Variants in ACAP2 observed in about 807,000 individuals in gnomAD.
ACAP2 encodes ArfGAP with coiled-coil, ankyrin repeat and PH domains 2, also known as arf-GAP with coiled-coil, ANK repeat and PH domain-containing protein 2.
In ACAP2, 39 loss-of-function variants were observed where a neutral mutation model predicts 115.8. The ratio of observed to expected loss-of-function variants is 0.34; its 90% CI spans 0.26 to 0.44. The LOEUF (loss-of-function observed/expected upper bound fraction) is 0.44, where lower values mean the gene tolerates loss of function less well. Ranked by LOEUF, ACAP2 falls within the 20% of genes least tolerant of loss-of-function variation. The probability of loss-of-function intolerance (pLI) is 1.00; values close to 1 mark genes in which losing one functional copy is unlikely to be tolerated. For missense variants in ACAP2, 662 were observed against 927.6 expected, an observed-to-expected ratio of 0.71 and a Z score of 3.72; for synonymous variants, 289 against 315.8, an observed-to-expected ratio of 0.92 and a Z score of 0.90.
rs929094816 is a variant in ACAP2 at position 195,277,961 on chromosome 3, G to C, written c.*1367C>G. On this transcript the variant is annotated 3_prime_UTR_variant, in exon 23 of 23. Coordinates refer to ENST00000326793, the MANE Select transcript of ACAP2 (RefSeq NM_012287.6). ...CTCGGAATGGTGGCGGGTGCCTGTAGTCCCAGCTACTCGGGAGGCTGAGGC... is the reference window on the plus strand; with the variant it reads ...CTCGGAATGGTGGCGGGTGCCTGTACTCCCAGCTACTCGGGAGGCTGAGGC... 3 of 152,018 alleles carry C rather than the reference G, an allele frequency of 2.0e-5. No individual in the cohort carries two copies. Among genetic ancestry groups the C allele is most frequent in the African/African-American group, 4.8e-5 (2 of 41,458 alleles). 9.4% of individuals were successfully genotyped at this position (152,018 alleles called of 1,614,324 possible). A position where few individuals can be genotyped will look rare whatever the true frequency, so the allele number is the denominator to read the frequency against.
At position 195,295,755 on chromosome 3, in the gene ACAP2, G is replaced by C; in HGVS notation, c.1625C>G (p.Ser542Cys). The C allele has an allele frequency of 1.9e-6, 3 of 1,614,128 alleles. No homozygotes were observed. The highest frequency in any genetic ancestry group is 2.5e-6 in the Non-Finnish European group (3 of 1,180,006). Residue 542 changes from serine to cysteine, a missense_variant, in exon 17 of 23, where the codon TCT becomes TGT. Coordinates refer to ENST00000326793, the MANE Select transcript of ACAP2 (RefSeq NM_012287.6). ...GACTTGGTCCCCTGGCCCAAATTTAGAAATGCTCAGCCTCTTTTCTTCAGA... is the reference window on the plus strand; with the variant it reads ...GACTTGGTCCCCTGGCCCAAATTTACAAATGCTCAGCCTCTTTTCTTCAGA... Reference protein sequence around the residue: ...KSSEEKRLSISKFGPGDQVRA... With the variant: ...KSSEEKRLSICKFGPGDQVRA...
At chr3:195,402,476 C>T (rs959577475) in intron 1 of ACAP2, among the ~76,000 whole-genome samples, 3 of 152,058 alleles carry the variant, frequency 2.0e-5, no homozygotes, top group Non-Finnish European at 2.9e-5. Context: ...GGAAAAAGTC[C>T]TCTTTTGGCA....
chr3:195,425,320 T>C (rs577472754), intron 1 of ACAP2, among the ~76,000 whole-genome samples: 54 of 152,330 alleles, frequency 3.5e-4, no homozygotes, highest in African/African-American at 1.3e-3. Flanking sequence ...CCAGGTGTCA[T>C]ATATTACTTA....
At chr3:195,421,704 T>C (rs1201533045) in intron 1 of ACAP2, among the ~76,000 whole-genome samples, 1 of 152,248 alleles carries the variant, frequency 6.6e-6, no homozygotes, top group Non-Finnish European at 1.5e-5. Flanking sequence ...TTGTAATTTG[T>C]ACGGAAGTTT....
At chr3:195,374,858 T>C (rs1320568523) in intron 4 of ACAP2, among the ~76,000 whole-genome samples, 1 of 151,998 alleles carries the variant, frequency 6.6e-6, no homozygotes, top group Non-Finnish European at 1.5e-5. Flanking sequence ...CCTTTTTTTT[T>C]TTAAAGTTAA....
chr3:195,392,235 T>G (rs761141611), intron 1 of ACAP2, 88 bp from the exon 2 acceptor site: 50 of 1,033,928 alleles, frequency 4.8e-5, no homozygotes, highest in Non-Finnish European at 6.2e-5. Context: ...AAAAGATAGA[T>G]ATGAATGCTT....
rs1560253995 is a variant in ACAP2 at position 195,333,115 on chromosome 3, TGAC to T, written c.579_581del (p.Ser194del). 6.3e-7 allele frequency: 1 copy of T among 1,596,954 alleles called. No individual in the cohort carries two copies. On this transcript the variant is annotated inframe_deletion, in exon 8 of 23. Transcript: ENST00000326793. ...AGAAGGCCAAATGGGCATACATAAA[TGAC>T]AACATCTAATAGGGAAAAAAAGATG...
chr3:195,364,723 C>A (rs1015150029), intron 4 of ACAP2, among the ~76,000 whole-genome samples: 1 of 152,094 alleles, frequency 6.6e-6, no homozygotes, highest in African/African-American at 2.4e-5. Flanking sequence ...TTTGGAGATT[C>A]CTGAGAAAAC....
rs1389959158 is a variant in ACAP2 at position 195,353,775 on chromosome 3, AC to A, written c.286-8459del. 1.1e-4 allele frequency among the ~76,000 whole-genome samples: 16 copies of A among 152,072 alleles called. 1 individual carries two copies. Among genetic ancestry groups the A allele is most frequent in the Non-Finnish European group, 1.3e-4 (9 of 68,018 alleles). ...ATTCCTTAATAAAGTTGTTAAAAAA[AC>A]ATCATTATATTCCAAAGAGAAAAGC... On this transcript the variant is annotated intron_variant, in intron 4 of 22. Coordinates refer to ENST00000326793, the MANE Select transcript of ACAP2 (RefSeq NM_012287.6).
intron 10 of ACAP2, among the ~76,000 whole-genome samples, chr3:195,318,185 A>G (rs931298421): frequency 1.3e-5 from 2 of 152,186 alleles, no homozygotes; most frequent in Admixed American, 1.3e-4. Context: ...TAGAACTGTG[A>G]GTCAATTAAA....
chr3:195,297,749 TACA>T (rs1362274663), intron 15 of ACAP2, among the ~76,000 whole-genome samples: 2 of 152,246 alleles, frequency 1.3e-5, no homozygotes, highest in African/African-American at 4.8e-5. Context: ...CTATCAAATT[TACA>T]ACTTTCTGGT....
intron 4 of ACAP2, among the ~76,000 whole-genome samples, chr3:195,377,830 T>C (rs1733656352): frequency 6.6e-6 from 1 of 152,112 alleles, no homozygotes; most frequent in African/African-American, 2.4e-5. Flanking sequence ...GGGAACAAAA[T>C]ACACACTGGA....
At chr3:195,291,619 A>G (rs779055199) in intron 20 of ACAP2, 87 bp downstream of exon 20, 22 of 1,043,828 alleles carry the variant, frequency 2.1e-5, no homozygotes, top group Non-Finnish European at 3.0e-5. Context: ...ACACTACCTG[A>G]AAACTTTAAC....
chr3:195,415,216 GAATAT>G (rs1479307278), intron 1 of ACAP2, among the ~76,000 whole-genome samples: 2 of 151,694 alleles, frequency 1.3e-5, no homozygotes, highest in South Asian at 2.1e-4. Context: ...TCAGAGCAGA[GAATAT>G]AATAATTCTC....
At chr3:195,382,335 C>T (rs780393892) in intron 2 of ACAP2, among the ~76,000 whole-genome samples, 2 of 151,758 alleles carry the variant, frequency 1.3e-5, no homozygotes, top group Admixed American at 6.6e-5. Context: ...AGTCTATCAA[C>T]GCAGATAGCT....
intron 4 of ACAP2, among the ~76,000 whole-genome samples, chr3:195,347,175 T>C (rs1008054934): frequency 3.3e-5 from 5 of 152,172 alleles, no homozygotes; most frequent in African/African-American, 9.7e-5. Flanking sequence ...AAACAATAGA[T>C]TTTTAAATGA....
At chr3:195,341,731 T>A (rs376631251) in intron 6 of ACAP2, among the ~76,000 whole-genome samples, 1 of 152,184 alleles carries the variant, frequency 6.6e-6, no homozygotes, top group South Asian at 2.1e-4. Context: ...TCTAAGAATC[T>A]AATCTAAAGA....
At chr3:195,333,964 A>G (rs1046317040) in intron 7 of ACAP2, among the ~76,000 whole-genome samples, 1 of 152,200 alleles carries the variant, frequency 6.6e-6, no homozygotes, top group African/African-American at 2.4e-5. Context: ...CATTCATTCC[A>G]CAAATCTAAA....
intron 13 of ACAP2, 83 bp from the exon 14 acceptor site, chr3:195,302,257 C>T: frequency 2.4e-6 from 3 of 1,259,138 alleles, no homozygotes; most frequent in Non-Finnish European, 3.3e-6. Context: ...CAAACTAAAG[C>T]TTCCAATCAA....
Sources: gnomAD v4.1 joint callset for allele counts (sites outside exome capture counted in the v4.1 genomes callset) on GRCh38, gnomAD v4.1.1 for gene constraint, MANE v1.5 for transcripts, NCBI Gene and HGNC (gene_info 2026-07-23, HGNC 2026-07-21) for gene names.